The following FSTL5 variants were observed in gnomAD, a reference collection of about 807,000 sequenced individuals.
The protein encoded by FSTL5 is follistatin like 5, also known as follistatin-related protein 5.
A neutral mutation model predicts 89.1 loss-of-function variants in FSTL5; 62 were observed. That is an observed-to-expected ratio of 0.70 (90% CI 0.57 to 0.86). The LOEUF is 0.86. FSTL5 is among the 40% of genes least tolerant of loss of function. The probability of loss-of-function intolerance (pLI) is 0.00; values close to 1 mark genes in which losing one functional copy is unlikely to be tolerated. For synonymous variants in FSTL5, 383 were observed against 346.2 expected (o/e 1.11, Z -1.18); for missense variants, 1,057 against 1,001.6 (o/e 1.06, Z -0.75).
At chr4:161,598,258 G>A (rs775170682) in intron 7 of FSTL5, among the ~76,000 whole-genome samples, 3 of 151,744 alleles carry the variant, frequency 2.0e-5, no homozygotes, top group South Asian at 2.1e-4. Context: ...ACCTGTAATC[G>A]CAGCTACTTG....
At chr4:161,631,194 A>C (rs1234310533) in intron 7 of FSTL5, among the ~76,000 whole-genome samples, 1 of 152,248 alleles carries the variant, frequency 6.6e-6, no homozygotes, top group African/African-American at 2.4e-5. Context: ...TTCTACCTTC[A>C]TAACAAAGTC....
intron 4 of FSTL5, among the ~76,000 whole-genome samples, chr4:161,870,443 A>G (rs1288165791): frequency 1.3e-5 from 2 of 152,132 alleles, no homozygotes; most frequent in East Asian, 3.9e-4. Flanking sequence ...AGTTCAAAAT[A>G]TCTGAATAAT....
At chr4:161,501,758 T>C (rs1006149808) in intron 11 of FSTL5, among the ~76,000 whole-genome samples, 3 of 151,964 alleles carry the variant, frequency 2.0e-5, no homozygotes, top group East Asian at 3.9e-4. Flanking sequence ...TTAGTAGTTG[T>C]CAGCTATTAT....
chr4:162,032,305 T>C (rs1456002788), intron 3 of FSTL5, among the ~76,000 whole-genome samples: 1 of 152,194 alleles, frequency 6.6e-6, no homozygotes, highest in Non-Finnish European at 1.5e-5. Flanking sequence ...TAAATGCATA[T>C]ATCATTCAAA....
At chr4:161,638,377 G>A (rs964668796) in intron 7 of FSTL5, among the ~76,000 whole-genome samples, 12 of 151,948 alleles carry the variant, frequency 7.9e-5, no homozygotes, top group Non-Finnish European at 1.0e-4. Flanking sequence ...GAGACAATGG[G>A]GTTTTCTAGA....
At chr4:161,498,806 A>G (rs1168086723) in intron 12 of FSTL5, among the ~76,000 whole-genome samples, 1 of 152,222 alleles carries the variant, frequency 6.6e-6, no homozygotes, top group Non-Finnish European at 1.5e-5. Flanking sequence ...TTTATCAGCA[A>G]TAATTTGTTT....
chr4:162,090,449 A>C (rs1274509534), intron 2 of FSTL5, among the ~76,000 whole-genome samples: 1 of 152,134 alleles, frequency 6.6e-6, no homozygotes, highest in African/African-American at 2.4e-5. Flanking sequence ...ACATTTCTCA[A>C]AAAAAGACGT....
At chr4:161,403,757 C>A (rs12500921) in intron 15 of FSTL5, among the ~76,000 whole-genome samples, 14,701 of 152,164 alleles carry the variant, frequency 0.097, 971 homozygotes, top group South Asian at 0.2. Context: ...AAAATATCTA[C>A]AGATTTCACT....
intron 1 of FSTL5, among the ~76,000 whole-genome samples, chr4:162,154,987 G>A (rs1300415439): frequency 6.6e-6 from 1 of 152,118 alleles, no homozygotes; most frequent in East Asian, 1.9e-4. Flanking sequence ...AAGCAATAAA[G>A]ACCAAGGTTT....
At chr4:161,738,994 G>A (rs1285350940) in intron 6 of FSTL5, among the ~76,000 whole-genome samples, 1 of 152,014 alleles carries the variant, frequency 6.6e-6, no homozygotes, top group Non-Finnish European at 1.5e-5. Flanking sequence ...TAGTTGTAAA[G>A]GAAAACTCCA....
chr4:161,956,036 G>A (rs1735018796), intron 3 of FSTL5, among the ~76,000 whole-genome samples: 1 of 151,804 alleles, frequency 6.6e-6, no homozygotes, highest in Non-Finnish European at 1.5e-5. Flanking sequence ...AAGAAATTAA[G>A]GGCATAGGAT....
chr4:161,581,377 AAGAGAGGGTGAAGG>A (rs1420629828), intron 8 of FSTL5, among the ~76,000 whole-genome samples: 2 of 152,124 alleles, frequency 1.3e-5, no homozygotes, highest in Admixed American at 6.5e-5. Flanking sequence ...GTGGGAGGAG[AAGAGAGGGTGAAGG>A]AGACCTCTTC....
chr4:161,804,234 T>C (rs1729889501), intron 4 of FSTL5, among the ~76,000 whole-genome samples: 1 of 151,940 alleles, frequency 6.6e-6, no homozygotes, highest in Admixed American at 6.6e-5. Flanking sequence ...TAATACAGGG[T>C]AATCACTCTA....
chr4:161,665,386 A>G (rs968167320), intron 6 of FSTL5, among the ~76,000 whole-genome samples: 3 of 151,820 alleles, frequency 2.0e-5, no homozygotes, highest in Non-Finnish European at 2.9e-5. Context: ...GGCGCCCGCT[A>G]CCTCGCCTGG....
At chr4:161,749,353 A>G (rs1044535860) in intron 6 of FSTL5, among the ~76,000 whole-genome samples, 1 of 152,210 alleles carries the variant, frequency 6.6e-6, no homozygotes, top group African/African-American at 2.4e-5. Context: ...GCAGTATTTC[A>G]TAAAAATGAA....
At chr4:161,744,112 T>C (rs190442206) in intron 6 of FSTL5, among the ~76,000 whole-genome samples, 14 of 152,216 alleles carry the variant, frequency 9.2e-5, no homozygotes, top group Non-Finnish European at 2.1e-4. Context: ...CCTGTTTTTT[T>C]CAAAGATAGA....
chr4:162,122,458 C>G lies in FSTL5; in HGVS notation c.-16-11046G>C, dbSNP rs1056549077. ...TCATGATTTCACTTCATTTCCTAGT[C>G]ATGGTCTTGTAGTTTCTTTTTCCAC... On this transcript the variant is annotated intron_variant, in intron 1 of 15. Transcript: ENST00000306100. Among the ~76,000 whole-genome samples the G allele has an allele frequency of 3.9e-5, 6 of 152,194 alleles. No homozygotes were observed. The South Asian group carries it at 1.2e-3, about 32-fold the overall frequency.
chr4:161,894,164 G>A (rs1240709038), intron 4 of FSTL5, among the ~76,000 whole-genome samples: 1 of 152,082 alleles, frequency 6.6e-6, no homozygotes, highest in Non-Finnish European at 1.5e-5. Context: ...AGTCTTAGAT[G>A]AGTGTTTGGA....
chr4:161,718,893 T>C (rs1315006102), intron 6 of FSTL5, among the ~76,000 whole-genome samples: 2 of 152,234 alleles, frequency 1.3e-5, no homozygotes, highest in Admixed American at 6.5e-5. Context: ...ATACTTATTT[T>C]ATTCTAACTA....
Sources: allele counts gnomAD v4.1 joint callset (sites outside exome capture counted in the v4.1 genomes callset), GRCh38; gene constraint gnomAD v4.1.1; transcripts MANE v1.5; gene names NCBI Gene and HGNC (gene_info 2026-07-23, HGNC 2026-07-21).